The following TEX10 variants were observed in gnomAD, a reference collection of about 807,000 sequenced individuals.
TEX10 encodes the protein testis expressed 10, also known as testis-expressed protein 10.
TEX10 carries 24 observed loss-of-function variants against 104.4 expected under a neutral mutation model. The observed-to-expected ratio is 0.23, with a 90% CI of 0.17 to 0.32. The LOEUF (loss-of-function observed/expected upper bound fraction) is 0.32. Among genes scored for constraint, TEX10 ranks in the 10% least tolerant of loss-of-function variants. The pLI, the probability that TEX10 is intolerant of heterozygous loss-of-function variation, is 1.00. For synonymous variants in TEX10, 396 were observed against 393.4 expected (o/e 1.01, Z -0.08); for missense variants, 921 against 1,083.9 (o/e 0.85, Z 2.11).
intron 5 of TEX10, among the ~76,000 whole-genome samples, chr9:100,339,274 A>AAATAT (rs1835101688): frequency 2.2e-5 from 2 of 91,700 alleles, no homozygotes; most frequent in Non-Finnish European, 4.4e-5. Flanking sequence ...AAAAAAAAAA[A>AAATAT]GTATATATAT....
Position 100,329,133 on chromosome 9 carries a change from A to ATT in TEX10, c.1625+5_1625+6dup. 1 of 1,586,660 alleles carries ATT rather than the reference A, an allele frequency of 6.3e-7. No individual in the cohort carries two copies. The highest frequency in any genetic ancestry group is 8.5e-7 in the Non-Finnish European group (1 of 1,173,804). The stretch of plus-strand genomic sequence containing the variant: ...GAAAAAAGAAAGGAAAAATAACAAG[A>ATT]TTTTACCTGAATCTACAAGATCTCA... On this transcript the variant is annotated splice_region_variant and intron_variant, in intron 7 of 14. Transcript: ENST00000374902.
chr9:100,311,396 T>C (rs1395640688), intron 11 of TEX10, among the ~76,000 whole-genome samples: 2 of 152,090 alleles, frequency 1.3e-5, no homozygotes, highest in Admixed American at 6.5e-5. Flanking sequence ...TGAGACACTG[T>C]CTCCAAAAAA....
intron 9 of TEX10, among the ~76,000 whole-genome samples, chr9:100,325,728 A>C (rs1408633271): frequency 6.6e-6 from 1 of 152,022 alleles, no homozygotes; most frequent in African/African-American, 2.4e-5. Flanking sequence ...ATGGGGTTTC[A>C]CCATGCTGGC....
intron 13 of TEX10, chr9:100,304,629 G>C (rs1000750952): frequency 6.6e-6 from 1 of 152,226 alleles, no homozygotes; most frequent in African/African-American, 2.4e-5. Context: ...GGGAGGCTGA[G>C]GCAGGTGGAT....
intron 9 of TEX10, among the ~76,000 whole-genome samples, chr9:100,323,507 G>C (rs935741799): frequency 1.3e-5 from 2 of 152,148 alleles, no homozygotes; most frequent in African/African-American, 4.8e-5. Flanking sequence ...GGGTAGAGGG[G>C]TAAGAACTGA....
chr9:100,313,981 T>G (rs1834348456), intron 11 of TEX10, among the ~76,000 whole-genome samples: 1 of 152,298 alleles, frequency 6.6e-6, no homozygotes, highest in South Asian at 2.1e-4. Flanking sequence ...CCTCCTTGAT[T>G]TTTGGAAACA....
chr9:100,333,947 G>A (rs968261303), intron 5 of TEX10, among the ~76,000 whole-genome samples: 2 of 152,050 alleles, frequency 1.3e-5, no homozygotes, highest in African/African-American at 4.8e-5. Context: ...AAATTCAATG[G>A]ACTTATGTTT....
At chr9:100,335,015 A>G (rs1210431906) in intron 5 of TEX10, among the ~76,000 whole-genome samples, 3 of 152,038 alleles carry the variant, frequency 2.0e-5, no homozygotes, top group African/African-American at 4.8e-5. Context: ...CCAAATCTGA[A>G]TAACCACAGT....
intron 13 of TEX10, chr9:100,306,487 T>A (rs1397366785): frequency 3.9e-5 from 6 of 152,320 alleles, no homozygotes; most frequent in Admixed American, 1.3e-4. Flanking sequence ...TTTTCATTAG[T>A]TAACACTGAG....
chr9:100,329,159 GTTC>G lies in TEX10; in HGVS notation c.1603_1605del (p.Glu535del), dbSNP rs1484791157. The G allele has an allele frequency of 1.2e-6, 2 of 1,604,586 alleles. No individual in the cohort carries two copies. The highest frequency in any genetic ancestry group is 1.7e-4 in the Middle Eastern group (1 of 6,010). ...TTTTACCTGAATCTACAAGATCTCA[GTTC>G]TTCTGTCTGATAGATTTTACTGAAA... is the stretch of plus-strand genomic sequence containing the variant. On this transcript the variant is annotated inframe_deletion, in exon 7 of 15. Coordinates refer to ENST00000374902, the MANE Select transcript of TEX10 (RefSeq NM_017746.4).
At chr9:100,350,128 C>T (rs1835405104) in intron 1 of TEX10, among the ~76,000 whole-genome samples, 1 of 152,194 alleles carries the variant, frequency 6.6e-6, no homozygotes, top group African/African-American at 2.4e-5. Flanking sequence ...AGGCATAACA[C>T]CATGCCATCT....
intron 10 of TEX10, among the ~76,000 whole-genome samples, chr9:100,321,151 C>T (rs1383789519): frequency 1.3e-5 from 2 of 152,182 alleles, no homozygotes; most frequent in Non-Finnish European, 2.9e-5. Flanking sequence ...GCCTCTCCCA[C>T]CTCAAATGTA....
At chr9:100,345,125 C>G (rs1422582787) in intron 4 of TEX10, among the ~76,000 whole-genome samples, 1 of 152,068 alleles carries the variant, frequency 6.6e-6, no homozygotes, top group East Asian at 1.9e-4. Flanking sequence ...AATTTTTTGC[C>G]AATGTATGCA....
chr9:100,307,607 C>T (rs1399802013), intron 13 of TEX10: 2 of 151,770 alleles, frequency 1.3e-5, no homozygotes, highest in African/African-American at 2.4e-5. Context: ...TTCACAAATG[C>T]ACATAAAACC....
chr9:100,352,716 C>A (rs1835493407), intron 1 of TEX10, 56 bp downstream of exon 1: 2 of 1,281,716 alleles, frequency 1.6e-6, no homozygotes, highest in Admixed American at 8.5e-5. Context: ...GACGGCCCCA[C>A]CACGCTCAGT....
intron 4 of TEX10, among the ~76,000 whole-genome samples, chr9:100,342,014 C>T (rs1353710256): frequency 1.3e-5 from 2 of 152,200 alleles, no homozygotes; most frequent in African/African-American, 2.4e-5. Context: ...CATGATCTGG[C>T]CACTATCACT....
At chr9:100,342,447 T>C (rs1467378051) in intron 4 of TEX10, among the ~76,000 whole-genome samples, 1 of 152,214 alleles carries the variant, frequency 6.6e-6, no homozygotes, top group Non-Finnish European at 1.5e-5. Context: ...GACCTTTCTG[T>C]AATGATCAAA....
chr9:100,330,666 T>C (rs553825157), intron 5 of TEX10, among the ~76,000 whole-genome samples: 11 of 152,348 alleles, frequency 7.2e-5, no homozygotes, highest in Admixed American at 1.3e-4. Flanking sequence ...ATAATTCACA[T>C]ATTAATATCA....
rs146234333 is a variant in TEX10, at chr9:100,336,501, A to C, written c.1250+3756T>G. Among the ~76,000 whole-genome samples, 550 of 152,256 alleles carry C rather than the reference A, an allele frequency of 3.6e-3. 6 individuals are homozygous for C. The highest frequency in any genetic ancestry group is 0.012 in the African/African-American group (510 of 41,518). Reference sequence around the variant, plus strand: ...TCTACGTTGCATGCTCCTTATGAGAATCTAACACCTGAAGATCTGTCACTG... The same window carrying C: ...TCTACGTTGCATGCTCCTTATGAGACTCTAACACCTGAAGATCTGTCACTG... On this transcript the variant is annotated intron_variant, in intron 5 of 14. Transcript: ENST00000374902.
Sources: gnomAD v4.1 joint callset for allele counts (sites outside exome capture counted in the v4.1 genomes callset) on GRCh38, gnomAD v4.1.1 for gene constraint, MANE v1.5 for transcripts, NCBI Gene and HGNC (gene_info 2026-07-23, HGNC 2026-07-21) for gene names.